PCDHA7: variants seen among roughly 807,000 people sequenced by gnomAD.
The protein encoded by PCDHA7 is protocadherin alpha 7.
A neutral mutation model predicts 57.2 loss-of-function variants in PCDHA7; 37 were observed. The observed-to-expected ratio is 0.65, with a 90% CI of 0.50 to 0.85. PCDHA7 has a LOEUF of 0.85. PCDHA7 is among the 40% of genes least tolerant of loss of function. PCDHA7 has a pLI of 0.00. For synonymous variants in PCDHA7, 553 were observed against 558.8 expected, an observed-to-expected ratio of 0.99 and a Z score of 0.15; for missense variants, 1,188 against 1,241.8, an observed-to-expected ratio of 0.96 and a Z score of 0.65.
At chr5:140,894,365 A>G (rs1375287003) in intron 1 of PCDHA7, among the ~76,000 whole-genome samples, 4 of 151,966 alleles carry the variant, frequency 2.6e-5, no homozygotes, top group African/African-American at 7.2e-5. Context: ...TTCTTCTTCA[A>G]TGGCTCCAAT....
chr5:140,966,906 C>A, intron 1 of PCDHA7: 1 of 1,600,938 alleles, frequency 6.2e-7, no homozygotes, highest in African/African-American at 1.3e-5. Flanking sequence ...CTGCGATACT[C>A]TGTGCCAGAG....
At chr5:140,841,293 T>C in intron 1 of PCDHA7, 3 of 1,494,776 alleles carry the variant, frequency 2.0e-6, no homozygotes, top group Non-Finnish European at 1.8e-6. Flanking sequence ...ATTAAGATAA[T>C]ATTTTCTGAT....
In PCDHA7 at chr5:140,968,269, T is replaced by C. The variant is rs558051125; in HGVS notation, c.2356-10680T>C. On this transcript the variant is annotated intron_variant, in intron 1 of 3. Coordinates refer to ENST00000525929, the MANE Select transcript of PCDHA7 (RefSeq NM_018910.3). ...CCACAGACCCAGATGAAAAGGAGAATGCAGAGGTGACCTACTCCCTTCTGG... is the reference window on the plus strand; with the variant it reads ...CCACAGACCCAGATGAAAAGGAGAACGCAGAGGTGACCTACTCCCTTCTGG... 6.9e-5 allele frequency: 112 copies of C among 1,614,074 alleles called. 2 individuals carry two copies. In the South Asian group the frequency reaches 1.1e-3, roughly 16 times the overall value.
intron 1 of PCDHA7, among the ~76,000 whole-genome samples, chr5:140,890,919 G>A (rs181566078): frequency 3.0e-4 from 46 of 152,178 alleles, no homozygotes; most frequent in Admixed American, 9.2e-4. Flanking sequence ...TAATTTGAGA[G>A]TTTCCTTTAG....
intron 1 of PCDHA7, chr5:140,848,753 G>A (rs1405880656): frequency 2.5e-6 from 4 of 1,593,302 alleles, no homozygotes; most frequent in African/African-American, 1.3e-5. Context: ...TTTTGTTTGT[G>A]AATTCTCGGA....
rs1554206642 is a variant in PCDHA7, at chr5:140,929,061, G to C, written c.2356-49888G>C. The C allele has an allele frequency of 3.1e-6, 5 of 1,614,196 alleles. No individual in the cohort carries two copies. In the South Asian group the frequency reaches 5.5e-5, roughly 18 times the overall value. On this transcript the variant is annotated intron_variant, in intron 1 of 3. Transcript: ENST00000525929. Reference sequence around the variant, plus strand: ...CTCAGAGCTGCTGTCGCTCTACAGAGGATCTGAGGTATGGAAGTAAGATGG... The same window carrying C: ...CTCAGAGCTGCTGTCGCTCTACAGACGATCTGAGGTATGGAAGTAAGATGG...
Position 140,922,562 on chromosome 5 carries a change from T to A in PCDHA7, c.2356-56387T>A, listed in dbSNP as rs2080887973. Among the ~76,000 whole-genome samples, 4 of 152,188 alleles carry A rather than the reference T, an allele frequency of 2.6e-5. No individual in the cohort carries two copies. In the South Asian group the frequency reaches 8.3e-4, roughly 31 times the overall value. ...GGCAAGGTAAGGAGAAAAGTCAGGA[T>A]GACAAGTTGCCCTGTAGCCGCCAGT... On this transcript the variant is annotated intron_variant, in intron 1 of 3. Transcript: ENST00000525929.
rs59860837 is a variant in PCDHA7 at position 141,005,701 on chromosome 5, C to CAAAAA, written c.2504-3900_2504-3896dup. 5.2e-3 allele frequency among the ~76,000 whole-genome samples: 40 copies of CAAAAA among 7,764 alleles called. 2 individuals are homozygous for CAAAAA. Among genetic ancestry groups the CAAAAA allele is most frequent in the East Asian group, 0.013 (4 of 312 alleles). The allele number at this position is 7,764 out of a possible 152,430, so 5.1% of individuals were successfully genotyped here. On this transcript the variant is annotated intron_variant, in intron 3 of 3. Coordinates refer to ENST00000525929, the MANE Select transcript of PCDHA7 (RefSeq NM_018910.3). ...TGGGCGACAGAGCGAAACTCCGTCT[C>CAAAAA]AAAAAAAAAAAAAAAAAAAAAAAAA...
intron 3 of PCDHA7, among the ~76,000 whole-genome samples, chr5:141,006,751 G>A (rs1369409000): frequency 2.0e-5 from 3 of 152,166 alleles, no homozygotes; most frequent in Non-Finnish European, 4.4e-5. Flanking sequence ...ATTATAAATG[G>A]AGAATGAAGA....
intron 1 of PCDHA7, chr5:140,875,462 C>T (rs1333440854): frequency 6.3e-7 from 1 of 1,598,882 alleles, no homozygotes; most frequent in Non-Finnish European, 8.5e-7. Flanking sequence ...CAGAGGCCCT[C>T]ATTTTCTGCA....
intron 1 of PCDHA7, among the ~76,000 whole-genome samples, chr5:140,942,619 T>TA (rs35075175): frequency 5.6e-4 from 83 of 148,996 alleles, no homozygotes; most frequent in Non-Finnish European, 6.7e-4. Flanking sequence ...TTGCCAATTG[T>TA]AAAAAAAAAA....
chr5:140,835,261 T>A lies in PCDHA7; in HGVS notation c.878T>A (p.Phe293Tyr), dbSNP rs2150232896. Residue 293 changes from phenylalanine (F) to tyrosine (Y), a missense_variant, in exon 1 of 4, where the codon TTC (phenylalanine) becomes TAC (tyrosine). This residue lies in a region of PCDHA7 where 102 missense variants were observed against 267.4 expected (regional missense o/e 0.38). Coordinates refer to ENST00000525929, the MANE Select transcript of PCDHA7 (RefSeq NM_018910.3). ...GTTTCTCCAGATATAAAATCCAAGTTCCACATGGACCCCTTAAGTGGGGCA... is the reference window on the plus strand; with the variant it reads ...GTTTCTCCAGATATAAAATCCAAGTACCACATGGACCCCTTAAGTGGGGCA... ...SDVSPDIKSKFHMDPLSGAIT... is the reference protein window; with the variant it reads ...SDVSPDIKSKYHMDPLSGAIT... 1 of 1,608,418 alleles carries A rather than the reference T, an allele frequency of 6.2e-7. No homozygotes were observed. The highest frequency in any genetic ancestry group is 1.7e-5 in the Admixed American group (1 of 59,428).
intron 1 of PCDHA7, among the ~76,000 whole-genome samples, chr5:140,888,040 T>C (rs1338203545): frequency 6.6e-6 from 1 of 152,222 alleles, no homozygotes; most frequent in Non-Finnish European, 1.5e-5. Context: ...TTAGTACATG[T>C]ATAATAGATG....
At chr5:140,965,033 T>C (rs1563339344) in intron 1 of PCDHA7, among the ~76,000 whole-genome samples, 2 of 152,192 alleles carry the variant, frequency 1.3e-5, no homozygotes, top group African/African-American at 4.8e-5. Flanking sequence ...CCTTTAACTG[T>C]CCGCTCTAGG....
At chr5:140,990,742 G>A (rs947618929) in intron 3 of PCDHA7, among the ~76,000 whole-genome samples, 2 of 152,176 alleles carry the variant, frequency 1.3e-5, no homozygotes, top group African/African-American at 4.8e-5. Context: ...CAGCCCTAGG[G>A]TGGATACCTT....
rs2150482959 is a variant in PCDHA7, at chr5:140,850,410, G to C, written c.2355+13672G>C. The C allele has an allele frequency of 5.8e-5, 93 of 1,597,818 alleles. 8 individuals carry two copies. The highest frequency in any genetic ancestry group is 7.6e-5 in the Non-Finnish European group (89 of 1,167,718). On this transcript the variant is annotated intron_variant, in intron 1 of 3. Coordinates refer to ENST00000525929, the MANE Select transcript of PCDHA7 (RefSeq NM_018910.3). ...GATCAGCACAACGCGTGCCCTGGAC[G>C]AAACGGACGCACCGCGCCAGCGCCT...
At chr5:140,937,786 T>C (rs246073) in intron 1 of PCDHA7, among the ~76,000 whole-genome samples, 52,378 of 148,788 alleles carry the variant, frequency 0.35, 9,253 homozygotes, top group East Asian at 0.54. Flanking sequence ...GTGGCGGGCG[T>C]ATGTAGTCCC....
At chr5:140,956,200 GA>G (rs1385482287) in intron 1 of PCDHA7, among the ~76,000 whole-genome samples, 1 of 152,152 alleles carries the variant, frequency 6.6e-6, no homozygotes, top group Non-Finnish European at 1.5e-5. Flanking sequence ...TAGGAGTGGT[GA>G]AAGAGGGCAT....
At chr5:140,864,740 C>G (rs2048582672) in intron 1 of PCDHA7, 1 of 152,028 alleles carries the variant, frequency 6.6e-6, no homozygotes, top group African/African-American at 2.4e-5. Context: ...TCTTTGAGCA[C>G]CGATTATACT....
Sources: allele counts gnomAD v4.1 joint callset (sites outside exome capture counted in the v4.1 genomes callset), GRCh38; gene constraint gnomAD v4.1.1; regional missense constraint gnomAD v4.1.1; transcripts MANE v1.5; gene names NCBI Gene and HGNC (gene_info 2026-07-23, HGNC 2026-07-21).